The following SLC2A11 variants were observed in gnomAD, a reference collection of about 807,000 sequenced individuals.
The protein encoded by SLC2A11 is solute carrier family 2 member 11.
SLC2A11 carries 43 observed loss-of-function variants against 52.1 expected under a neutral mutation model. That is an observed-to-expected ratio of 0.82 (90% CI 0.65 to 1.06). SLC2A11 has a LOEUF of 1.06. Ranked by LOEUF, SLC2A11 falls within the 50% of genes least tolerant of loss-of-function variation. The pLI, the probability that SLC2A11 is intolerant of heterozygous loss-of-function variation, is 0.00. For missense variants in SLC2A11, 582 were observed against 654.2 expected, an observed-to-expected ratio of 0.89 and a Z score of 1.20; for synonymous variants, 261 against 277.6, an observed-to-expected ratio of 0.94 and a Z score of 0.59.
rs36101447 is a variant in SLC2A11, at chr22:23,878,348, TGGG to T, written c.694+481_694+483del. Among the ~76,000 whole-genome samples the T allele has an allele frequency of 3.5e-4, 6 of 16,986 alleles. No homozygotes were observed. The South Asian group carries it at 0.011, about 31-fold the overall frequency. 11.1% of individuals were successfully genotyped at this position (16,986 alleles called of 152,430 possible). A position where few individuals can be genotyped will look rare whatever the true frequency, so the allele number is the denominator to read the frequency against. ...ATCTCAGCTGGGCTAGTTCACAGTG[TGGG>T]GCGGGGGAGGGGGGCAGTGGTGAGG... On this transcript the variant is annotated intron_variant, in intron 6 of 11. Transcript: ENST00000316185.
At chr22:23,858,690 C>A (rs1462322091) in intron 1 of SLC2A11, among the ~76,000 whole-genome samples, 1 of 152,130 alleles carries the variant, frequency 6.6e-6, no homozygotes, top group African/African-American at 2.4e-5. Flanking sequence ...CGTAGCGAGA[C>A]CTTGTCTCTA....
At position 23,883,883 on chromosome 22, in the gene SLC2A11, G is replaced by A; in HGVS notation, c.1095+10G>A. 6.2e-7 allele frequency: 1 copy of A among 1,604,058 alleles called. No homozygotes were observed. The highest frequency in any genetic ancestry group is 8.5e-7 in the Non-Finnish European group (1 of 1,176,830). On this transcript the variant is annotated intron_variant, in intron 9 of 11. Coordinates refer to ENST00000316185, the MANE Select transcript of SLC2A11 (RefSeq NM_001024939.4). ...GGCCCTGTGCCTGCAGGTAGCTGGG[G>A]TGGATGAGGGCTGGGGGGTCCAGGC...
chr22:23,884,619 C>A lies in SLC2A11; in HGVS notation c.1300-30C>A. ...CTGTTTAGGGGTTGATGGAGACACA[C>A]CAGGTCTTGGGGTCTTTTTTAATCC... is the stretch of plus-strand genomic sequence containing the variant. On this transcript the variant is annotated intron_variant, in intron 11 of 11. Transcript: ENST00000316185. This position sits in a 1 kb window ranked among gnomAD's most constrained non-coding sequence, Gnocchi z 4.3. 3.8e-6 allele frequency: 6 copies of A among 1,598,418 alleles called. No individual in the cohort carries two copies. The highest frequency in any genetic ancestry group is 1.1e-5 in the South Asian group (1 of 88,662).
At chr22:23,882,317 GACAC>G (rs376854640) in intron 6 of SLC2A11, 138 bp from the exon 7 acceptor site, 4 of 683,262 alleles carry the variant, frequency 5.9e-6, no homozygotes, top group Admixed American at 3.0e-5. Context: ...CAGAGAGAGA[GACAC>G]ACACACACAC....
intron 1 of SLC2A11, among the ~76,000 whole-genome samples, chr22:23,858,982 G>A (rs773174209): frequency 4.6e-5 from 7 of 152,180 alleles, no homozygotes; most frequent in Non-Finnish European, 1.0e-4. Flanking sequence ...GGTCCCTATC[G>A]TAGCTAATGT....
intron 2 of SLC2A11, chr22:23,867,992 T>C: frequency 3.1e-6 from 1 of 327,420 alleles, no homozygotes; most frequent in Non-Finnish European, 6.1e-6. Flanking sequence ...TGATGGCCAG[T>C]TGGTCAGAAG....
intron 2 of SLC2A11, among the ~76,000 whole-genome samples, chr22:23,864,035 A>C (rs1382457839): frequency 6.6e-6 from 1 of 152,156 alleles, no homozygotes; most frequent in East Asian, 1.9e-4. Flanking sequence ...TAGCTCATGT[A>C]GAAAGGCAGG....
rs369592029 is a variant in SLC2A11, at chr22:23,876,923, G to A, written c.416-119G>A. 109 of 1,525,680 alleles carry A rather than the reference G, an allele frequency of 7.1e-5. No homozygotes were observed. In the East Asian group the frequency reaches 9.0e-4, roughly 13 times the overall value. The allele number at this position is 1,525,680 out of a possible 1,614,324, so 94.5% of individuals were successfully genotyped here. A position where few individuals can be genotyped will look rare whatever the true frequency, so the allele number is the denominator to read the frequency against. ...GTGGGGGGTGAGGGATCAGCCCTCA[G>A]TGCCAGGATCCAGTTGAGTGGCTGG... On this transcript the variant is annotated intron_variant, in intron 4 of 11. Transcript: ENST00000316185.
chr22:23,868,873 A>G (rs769456183), intron 3 of SLC2A11: 2 of 498,878 alleles, frequency 4.0e-6, no homozygotes, highest in Non-Finnish European at 3.5e-6. Context: ...TTCTAATTTC[A>G]TGTCTGCCAA....
chr22:23,863,607 G>T lies in SLC2A11; in HGVS notation c.129+1405G>T, dbSNP rs1437902533. Among the ~76,000 whole-genome samples, 15 of 113,196 alleles carry T rather than the reference G, an allele frequency of 1.3e-4. No homozygotes were observed. The South Asian group carries it at 3.0e-3, about 23-fold the overall frequency. The allele number at this position is 113,196 out of a possible 152,430, so 74.3% of individuals were successfully genotyped here. A position where few individuals can be genotyped will look rare whatever the true frequency, so the allele number is the denominator to read the frequency against. ...CTGCCCCTGTTTTTTCTCTCTCTCT[G>T]GTTTTTTTTTTTTTTTTTTTTTTTT... is the stretch of plus-strand genomic sequence containing the variant. On this transcript the variant is annotated intron_variant, in intron 2 of 11. Transcript: ENST00000316185.
intron 5 of SLC2A11, 29 bp from the exon 6 acceptor site, chr22:23,877,692 C>A: frequency 6.5e-7 from 1 of 1,538,684 alleles, no homozygotes; most frequent in Non-Finnish European, 8.7e-7. Flanking sequence ...AAAGAGGCAT[C>A]TGGCCTGGCC....
Position 23,860,474 on chromosome 22 carries a change from C to T in SLC2A11, c.31-1630C>T, listed in dbSNP as rs990034784. Among the ~76,000 whole-genome samples the T allele has an allele frequency of 5.3e-5, 8 of 151,624 alleles. No individual in the cohort carries two copies. The East Asian group carries it at 9.8e-4, about 19-fold the overall frequency. The stretch of plus-strand genomic sequence containing the variant: ...TAAATACTTCTGTGAATCCCTAAGA[C>T]GACCTCAACTACAGGTCGGGTGCGG... On this transcript the variant is annotated intron_variant, in intron 1 of 11. Coordinates refer to ENST00000316185, the MANE Select transcript of SLC2A11 (RefSeq NM_001024939.4).
intron 8 of SLC2A11, chr22:23,883,150 T>C (rs1391223247): frequency 2.2e-6 from 1 of 457,188 alleles, no homozygotes; most frequent in East Asian, 4.7e-5. Flanking sequence ...TAATCCCAGG[T>C]ACTTGGGAGG....
At position 23,883,876 on chromosome 22, in the gene SLC2A11, A is replaced by G. The variant is rs1388176919; in HGVS notation, c.1095+3A>G. Reference sequence around the variant, plus strand: ...TCACTGTGGCCCTGTGCCTGCAGGTAGCTGGGGTGGATGAGGGCTGGGGGG... The same window carrying G: ...TCACTGTGGCCCTGTGCCTGCAGGTGGCTGGGGTGGATGAGGGCTGGGGGG... On this transcript the variant is annotated splice_donor_region_variant and intron_variant, in intron 9 of 11. Coordinates refer to ENST00000316185, the MANE Select transcript of SLC2A11 (RefSeq NM_001024939.4). The G allele has an allele frequency of 1.9e-6, 3 of 1,602,292 alleles. No individual in the cohort carries two copies. The East Asian group carries it at 6.7e-5, about 36-fold the overall frequency.
chr22:23,859,669 A>G (rs923967710), intron 1 of SLC2A11, among the ~76,000 whole-genome samples: 1 of 152,122 alleles, frequency 6.6e-6, no homozygotes, highest in Non-Finnish European at 1.5e-5. Flanking sequence ...TTGTATTTTT[A>G]GTAGAGACAG....
intron 3 of SLC2A11, among the ~76,000 whole-genome samples, chr22:23,874,176 G>A (rs1050935048): frequency 6.6e-6 from 1 of 152,176 alleles, no homozygotes; most frequent in South Asian, 2.1e-4. Flanking sequence ...AATACATGGA[G>A]GAAAATATAA....
rs773808240 is a variant in SLC2A11 at position 23,877,701 on chromosome 22, C to T, written c.546-20C>T. Reference sequence around the variant, plus strand: ...TCTGGCAAAGAGGCATCTGGCCTGGCCTCTCCTCTGCCTCCTTAGGGAGCT... The same window carrying T: ...TCTGGCAAAGAGGCATCTGGCCTGGTCTCTCCTCTGCCTCCTTAGGGAGCT... On this transcript the variant is annotated intron_variant, in intron 5 of 11. Transcript: ENST00000316185. 33 of 1,559,808 alleles carry T rather than the reference C, an allele frequency of 2.1e-5. No homozygotes were observed. Among genetic ancestry groups the T allele is most frequent in the Non-Finnish European group, 2.8e-5 (32 of 1,155,484 alleles).
chr22:23,877,165 G>C lies in SLC2A11; in HGVS notation c.539G>C (p.Gly180Ala). The change falls in exon 5 of 12, where the codon GGA (glycine) becomes GCA (alanine). Residue 180 changes from glycine (G) to alanine (A), a missense_variant. Coordinates refer to ENST00000316185, the MANE Select transcript of SLC2A11 (RefSeq NM_001024939.4). ...GGGATCGTGATGGGACAGGTGGTCG[G>C]ACTCAGGTAAGCACCCCTCCCCCAC... ...ALGIVMGQVV[G>A]LRELLGGPQA... 6.2e-7 allele frequency: 1 copy of C among 1,610,086 alleles called. No individual in the cohort carries two copies. The highest frequency in any genetic ancestry group is 8.5e-7 in the Non-Finnish European group (1 of 1,178,036).
chr22:23,858,847 G>A (rs2031953036), intron 1 of SLC2A11, among the ~76,000 whole-genome samples: 2 of 152,154 alleles, frequency 1.3e-5, no homozygotes, highest in African/African-American at 4.8e-5. Flanking sequence ...GTCTTTCTCT[G>A]CTGGAAGGAA....
Sources: allele counts gnomAD v4.1 joint callset (sites outside exome capture counted in the v4.1 genomes callset), GRCh38; gene constraint gnomAD v4.1.1; non-coding constraint Gnocchi (gnomAD v3.1); transcripts MANE v1.5; gene names NCBI Gene and HGNC (gene_info 2026-07-23, HGNC 2026-07-21).